TACR3: variants seen among roughly 807,000 people sequenced by gnomAD.
The protein encoded by TACR3 is neuromedin-K receptor.
TACR3 carries 34 observed loss-of-function variants against 35.0 expected under a neutral mutation model. That is an observed-to-expected ratio of 0.97 (90% CI 0.74 to 1.30). The LOEUF (loss-of-function observed/expected upper bound fraction) is 1.30, where lower values mean the gene tolerates loss of function less well. Among genes scored for constraint, TACR3 ranks in the 50% most tolerant of loss-of-function variants. The pLI, the probability that TACR3 is intolerant of heterozygous loss-of-function variation, is 0.00. For synonymous variants in TACR3, 233 were observed against 221.1 expected, an observed-to-expected ratio of 1.05 and a Z score of -0.48; for missense variants, 558 against 591.7, an observed-to-expected ratio of 0.94 and a Z score of 0.59.
chr4:103,711,917 C>A (rs1722972759), intron 1 of TACR3, among the ~76,000 whole-genome samples: 1 of 152,104 alleles, frequency 6.6e-6, no homozygotes. Flanking sequence ...GAATAAAATA[C>A]CTAGGAATCC....
At chr4:103,602,832 G>T (rs1246035342) in intron 3 of TACR3, among the ~76,000 whole-genome samples, 2 of 152,336 alleles carry the variant, frequency 1.3e-5, no homozygotes, top group East Asian at 1.9e-4. Flanking sequence ...GCTACTCGGG[G>T]GTCAGGGAGC....
At chr4:103,710,004 T>G (rs1367518231) in intron 1 of TACR3, among the ~76,000 whole-genome samples, 1 of 152,148 alleles carries the variant, frequency 6.6e-6, no homozygotes, top group Non-Finnish European at 1.5e-5. Flanking sequence ...CCCAGATTCA[T>G]AAAGCAAGTC....
chr4:103,637,478 T>C (rs905014274), intron 3 of TACR3, among the ~76,000 whole-genome samples: 37 of 152,084 alleles, frequency 2.4e-4, no homozygotes, highest in African/African-American at 8.5e-4. Context: ...CCACAGCCAA[T>C]ATCATACTGA....
intron 1 of TACR3, among the ~76,000 whole-genome samples, chr4:103,691,174 C>A (rs966951272): frequency 1.3e-5 from 2 of 152,128 alleles, no homozygotes; most frequent in African/African-American, 2.4e-5. Flanking sequence ...ACACTCATAG[C>A]AGTTCTATTC....
intron 1 of TACR3, among the ~76,000 whole-genome samples, chr4:103,671,227 G>A (rs949642407): frequency 5.9e-5 from 9 of 151,798 alleles, no homozygotes; most frequent in Non-Finnish European, 2.9e-5. Context: ...AATCAATATT[G>A]GTCTGCAGTT....
chr4:103,660,866 T>A (rs1196871158), intron 1 of TACR3, among the ~76,000 whole-genome samples: 1 of 151,976 alleles, frequency 6.6e-6, no homozygotes, highest in Non-Finnish European at 1.5e-5. Context: ...AATTGATTGT[T>A]AACCATAACT....
chr4:103,607,828 A>C (rs944273581), intron 3 of TACR3, among the ~76,000 whole-genome samples: 9 of 152,126 alleles, frequency 5.9e-5, no homozygotes, highest in African/African-American at 2.2e-4. Context: ...AGGAACAAGC[A>C]GTGTTTGGCA....
At chr4:103,590,957 CTCTT>C (rs761843388) in intron 4 of TACR3, among the ~76,000 whole-genome samples, 2 of 152,170 alleles carry the variant, frequency 1.3e-5, no homozygotes, top group African/African-American at 4.8e-5. Flanking sequence ...GCTGCATGCT[CTCTT>C]ACTCACCCCA....
chr4:103,661,441 T>G (rs1045804913), intron 1 of TACR3, among the ~76,000 whole-genome samples: 1 of 152,164 alleles, frequency 6.6e-6, no homozygotes, highest in Non-Finnish European at 1.5e-5. Context: ...TGAATATCCC[T>G]CAAATCTCAT....
chr4:103,667,229 G>A (rs1725954316), intron 1 of TACR3, among the ~76,000 whole-genome samples: 1 of 152,086 alleles, frequency 6.6e-6, no homozygotes, highest in Non-Finnish European at 1.5e-5. Flanking sequence ...TTGCATTCCA[G>A]CTTGGGCACA....
chr4:103,697,402 GTTTATTTATTTATTTA>G (rs111290581), intron 1 of TACR3, among the ~76,000 whole-genome samples: 8 of 144,874 alleles, frequency 5.5e-5, no homozygotes, highest in African/African-American at 7.9e-5. Flanking sequence ...TTATTTATTT[GTTTATTTATTTATTTA>G]TTTATTTATT....
chr4:103,602,214 C>T (rs2128395), intron 3 of TACR3, among the ~76,000 whole-genome samples: 19,387 of 152,148 alleles, frequency 0.13, 1,995 homozygotes, highest in East Asian at 0.5. Flanking sequence ...ACGTAGCTCT[C>T]GTGCCTTGGT....
chr4:103,660,917 A>G (rs1001759353), intron 1 of TACR3, among the ~76,000 whole-genome samples: 2 of 152,070 alleles, frequency 1.3e-5, no homozygotes, highest in Non-Finnish European at 2.9e-5. Flanking sequence ...TACATCATAT[A>G]TACTTAATAG....
intron 3 of TACR3, among the ~76,000 whole-genome samples, chr4:103,655,425 G>A (rs184457341): frequency 2.2e-3 from 342 of 152,148 alleles, no homozygotes; most frequent in African/African-American, 7.5e-3. Flanking sequence ...TCTCCAAGAT[G>A]CATTAGGTAC....
intron 3 of TACR3, among the ~76,000 whole-genome samples, chr4:103,594,076 TTTTCA>T (rs1311185773): frequency 6.6e-6 from 1 of 152,172 alleles, no homozygotes; most frequent in African/African-American, 2.4e-5. Context: ...TATCATTTGG[TTTTCA>T]TTTAAGATGG....
intron 3 of TACR3, among the ~76,000 whole-genome samples, chr4:103,642,671 G>A (rs997097632): frequency 6.6e-6 from 1 of 151,746 alleles, no homozygotes; most frequent in African/African-American, 2.4e-5. Flanking sequence ...GTAGGGTGGA[G>A]GGGAGTTAAG....
At chr4:103,681,956 A>C (rs1262383561) in intron 1 of TACR3, among the ~76,000 whole-genome samples, 2 of 152,170 alleles carry the variant, frequency 1.3e-5, no homozygotes, top group African/African-American at 4.8e-5. Flanking sequence ...GAAAGAGAAA[A>C]ATTTCCAAAC....
intron 1 of TACR3, among the ~76,000 whole-genome samples, chr4:103,699,871 TCAGA>T (rs1474151615): frequency 6.9e-6 from 1 of 145,896 alleles, no homozygotes; most frequent in African/African-American, 2.6e-5. Flanking sequence ...CCTCAGACAC[TCAGA>T]TGGCGATGTT....
At position 103,697,627 on chromosome 4, in the gene TACR3, C is replaced by T. The variant is rs547566119; in HGVS notation, c.548+21501G>A. ...TTTTAGTAGAGATGGGGTTTCACCA[C>T]GTTAGCCAGGATAGTCTCGATCTCC... On this transcript the variant is annotated intron_variant, in intron 1 of 4. Coordinates refer to ENST00000304883, the MANE Select transcript of TACR3 (RefSeq NM_001059.3). Among the ~76,000 whole-genome samples, 34 of 151,770 alleles carry T rather than the reference C, an allele frequency of 2.2e-4. No individual in the cohort carries two copies. The South Asian group carries it at 6.7e-3, about 30-fold the overall frequency.
Sources: gnomAD v4.1 joint callset for allele counts (sites outside exome capture counted in the v4.1 genomes callset) on GRCh38, gnomAD v4.1.1 for gene constraint, MANE v1.5 for transcripts, NCBI Gene and HGNC (gene_info 2026-07-23, HGNC 2026-07-21) for gene names.